Variants in DPYD observed in about 807,000 individuals in gnomAD.
DPYD encodes the protein dihydropyrimidine dehydrogenase, also known as dihydropyrimidine dehydrogenase [NADP(+)].
A neutral mutation model predicts 116.2 loss-of-function variants in DPYD; 109 were observed. The observed-to-expected ratio is 0.94, with a 90% CI of 0.80 to 1.10. The LOEUF is 1.10. Among genes scored for constraint, DPYD ranks in the 50% least tolerant of loss-of-function variants. The pLI is 0.00. For missense variants in DPYD, 1,302 were observed against 1,254.5 expected (o/e 1.04, Z -0.57); for synonymous variants, 440 against 432.0 (o/e 1.02, Z -0.23).
Position 97,401,215 on chromosome 1 carries a change from G to A in DPYD, c.1906-18754C>T, listed in dbSNP as rs567381258. On this transcript the variant is annotated intron_variant, in intron 14 of 22. Transcript: ENST00000370192. ...TGTTCTTTGTGTATTTTGGATAACCGTACTTTCTCCAATGCATCTTTTACA... is the reference window on the plus strand; with the variant it reads ...TGTTCTTTGTGTATTTTGGATAACCATACTTTCTCCAATGCATCTTTTACA... Among the ~76,000 whole-genome samples the A allele has an allele frequency of 2.4e-4, 37 of 152,140 alleles. 1 individual carries two copies. Among genetic ancestry groups the A allele is most frequent in the Admixed American group, 7.2e-4 (11 of 15,270 alleles).
chr1:97,740,316 T>A (rs532891340), intron 4 of DPYD, 76 bp downstream of exon 4: 9 of 1,247,412 alleles, frequency 7.2e-6, no homozygotes, highest in Middle Eastern at 2.0e-4. Context: ...AGACAAGCTG[T>A]ATTCTGTACC....
chr1:97,374,056 C>T (rs1037837358), intron 15 of DPYD, among the ~76,000 whole-genome samples: 1 of 152,104 alleles, frequency 6.6e-6, no homozygotes, highest in Non-Finnish European at 1.5e-5. Context: ...TTATTCCTTC[C>T]TAAATAGCTT....
chr1:97,135,402 T>C (rs1449407195), intron 20 of DPYD, among the ~76,000 whole-genome samples: 6 of 152,212 alleles, frequency 3.9e-5, no homozygotes, highest in East Asian at 1.9e-4. Context: ...ATAAAACTCA[T>C]GAATTTCTTT....
In DPYD at chr1:97,454,508, G is replaced by T. The variant is rs535639475; in HGVS notation, c.1741-4285C>A. Among the ~76,000 whole-genome samples, 8 of 151,886 alleles carry T rather than the reference G, an allele frequency of 5.3e-5. No homozygotes were observed. In the South Asian group the frequency reaches 1.7e-3, roughly 31 times the overall value. ...TTCTCTATAATAAAAAAGACAAACT[G>T]CCATAGCTCTCATCTTCAGTGCATT... On this transcript the variant is annotated intron_variant, in intron 13 of 22. Coordinates refer to ENST00000370192, the MANE Select transcript of DPYD (RefSeq NM_000110.4).
chr1:97,391,469 G>T (rs898089502), intron 14 of DPYD, among the ~76,000 whole-genome samples: 7 of 151,910 alleles, frequency 4.6e-5, no homozygotes, highest in Admixed American at 2.6e-4. Flanking sequence ...AAATTACCTA[G>T]AGAGTTAAAA....
intron 20 of DPYD, among the ~76,000 whole-genome samples, chr1:97,127,361 G>A (rs1401918421): frequency 6.6e-6 from 1 of 152,096 alleles, no homozygotes; most frequent in Non-Finnish European, 1.5e-5. Context: ...GGTCTTGGAA[G>A]TTACATTTTT....
intron 16 of DPYD, among the ~76,000 whole-genome samples, chr1:97,333,588 T>C (rs1465976414): frequency 6.9e-6 from 1 of 145,328 alleles, no homozygotes; most frequent in African/African-American, 2.6e-5. Context: ...TGGCAAGATC[T>C]CAGCTCACTG....
At chr1:97,640,074 C>T (rs1657799470) in intron 8 of DPYD, among the ~76,000 whole-genome samples, 1 of 152,082 alleles carries the variant, frequency 6.6e-6, no homozygotes, top group Non-Finnish European at 1.5e-5. Context: ...ATCTATCTGT[C>T]TAGTCTTCAT....
At chr1:97,631,621 A>G (rs542608495) in intron 8 of DPYD, among the ~76,000 whole-genome samples, 413 of 152,232 alleles carry the variant, frequency 2.7e-3, no homozygotes, top group Non-Finnish European at 4.0e-3. Context: ...GGAATTTCAT[A>G]TATAAAAATA....
chr1:97,418,295 G>T (rs899612326), intron 14 of DPYD, among the ~76,000 whole-genome samples: 18 of 144,278 alleles, frequency 1.2e-4, no homozygotes, highest in African/African-American at 4.0e-4. Flanking sequence ...AATTGAGATA[G>T]ATATAAGATG....
intron 20 of DPYD, among the ~76,000 whole-genome samples, chr1:97,103,459 A>G (rs1221620414): frequency 6.6e-6 from 1 of 152,124 alleles, no homozygotes. Context: ...TACATATTAC[A>G]CGTTACCATA....
chr1:97,159,393 G>A (rs956965707), intron 20 of DPYD, among the ~76,000 whole-genome samples: 14 of 151,960 alleles, frequency 9.2e-5, no homozygotes, highest in Admixed American at 9.2e-4. Flanking sequence ...GAAAAACAGA[G>A]AAACTATTAA....
chr1:97,319,069 T>C (rs199754351), intron 16 of DPYD, among the ~76,000 whole-genome samples: 33,897 of 34,724 alleles, frequency 0.98, 16,576 homozygotes, highest in East Asian at 1. Flanking sequence ...ATCTCTGGGA[T>C]GCATTCAAAG....
At chr1:97,898,614 C>A (rs1673201189) in intron 1 of DPYD, among the ~76,000 whole-genome samples, 2 of 151,820 alleles carry the variant, frequency 1.3e-5, no homozygotes. Flanking sequence ...CAGGAAAGAA[C>A]CTGATAGGCC....
chr1:97,442,969 A>G (rs1006703787), intron 14 of DPYD, among the ~76,000 whole-genome samples: 8 of 152,232 alleles, frequency 5.3e-5, no homozygotes, highest in Non-Finnish European at 1.0e-4. Flanking sequence ...GTGAATAATT[A>G]CCGTGTGTCA....
chr1:97,117,416 A>T (rs1418445436), intron 20 of DPYD, among the ~76,000 whole-genome samples: 2 of 152,294 alleles, frequency 1.3e-5, no homozygotes, highest in African/African-American at 4.8e-5. Context: ...TTGCTATATA[A>T]CTGCAGAGGA....
intron 14 of DPYD, among the ~76,000 whole-genome samples, chr1:97,409,073 C>T (rs1020448235): frequency 6.6e-6 from 1 of 152,048 alleles, no homozygotes; most frequent in South Asian, 2.1e-4. Context: ...GTCAATAATC[C>T]TTTATAAATT....
intron 14 of DPYD, among the ~76,000 whole-genome samples, chr1:97,385,455 T>G (rs1672284257): frequency 6.6e-6 from 1 of 150,916 alleles, no homozygotes; most frequent in African/African-American, 2.4e-5. Context: ...AAAAATTAGC[T>G]ATTAGATACT....
At chr1:97,622,499 A>G (rs556467803) in intron 8 of DPYD, among the ~76,000 whole-genome samples, 2 of 152,176 alleles carry the variant, frequency 1.3e-5, no homozygotes, top group East Asian at 3.9e-4. Flanking sequence ...GCCACTAAAT[A>G]TAACTTGGGA....
Sources: gnomAD v4.1 joint callset for allele counts (sites outside exome capture counted in the v4.1 genomes callset) on GRCh38, gnomAD v4.1.1 for gene constraint, MANE v1.5 for transcripts, NCBI Gene and HGNC (gene_info 2026-07-23, HGNC 2026-07-21) for gene names.